Variants in PLD1 observed in about 807,000 individuals in gnomAD.
PLD1 encodes phospholipase D1, also known as choline phosphatase 1.
Under a neutral mutation model 137.1 loss-of-function variants are expected in PLD1, and 112 were observed. The ratio of observed to expected loss-of-function variants is 0.82; its 90% CI spans 0.70 to 0.96. PLD1 has a LOEUF of 0.96. Ranked by LOEUF, PLD1 falls within the 40% of genes least tolerant of loss-of-function variation. PLD1 has a pLI of 0.00. For missense variants in PLD1, 1,321 were observed against 1,342.0 expected (o/e 0.98, Z 0.24); for synonymous variants, 431 against 454.7 (o/e 0.95, Z 0.66).
rs577033918 is a variant in PLD1 at position 171,749,574 on chromosome 3, G to T, written c.-31-11492C>A. On this transcript the variant is annotated intron_variant, in intron 1 of 26. Transcript: ENST00000351298. ...ATCCCACAGATAATTACATATTCTGGAATATATATATGAAACTGCAAGGAA... is the reference window on the plus strand; with the variant it reads ...ATCCCACAGATAATTACATATTCTGTAATATATATATGAAACTGCAAGGAA... Among the ~76,000 whole-genome samples, 30 of 152,266 alleles carry T rather than the reference G, an allele frequency of 2.0e-4. No homozygotes were observed. The South Asian group carries it at 4.1e-3, about 21-fold the overall frequency.
rs530040851 is a variant in PLD1 at position 171,619,744 on chromosome 3, T to C, written c.2728+642A>G. Among the ~76,000 whole-genome samples, 36 of 152,164 alleles carry C rather than the reference T, an allele frequency of 2.4e-4. No individual in the cohort carries two copies. The South Asian group carries it at 7.1e-3, about 30-fold the overall frequency. ...CTTATGACACACTTTCCCTCCCCAT[T>C]TATCCCCCACCAATCCCTGAAATCT... On this transcript the variant is annotated intron_variant, in intron 24 of 26. Transcript: ENST00000351298.
At chr3:171,702,005 C>T (rs539978636) in intron 11 of PLD1, among the ~76,000 whole-genome samples, 1 of 152,198 alleles carries the variant, frequency 6.6e-6, no homozygotes, top group East Asian at 1.9e-4. Context: ...ATCAGACTTT[C>T]CTTTCTTAAA....
At chr3:171,642,457 CAA>C (rs1230947984) in intron 23 of PLD1, among the ~76,000 whole-genome samples, 2 of 33,062 alleles carry the variant, frequency 6.0e-5, no homozygotes, top group Non-Finnish European at 1.2e-4. Context: ...AACCCAGTCT[CAA>C]AAAAAAAAAA....
intron 25 of PLD1, among the ~76,000 whole-genome samples, chr3:171,610,189 T>G (rs1424894355): frequency 2.0e-5 from 3 of 152,218 alleles, no homozygotes; most frequent in African/African-American, 7.2e-5. Context: ...AACATACCCA[T>G]TTTTTTATAT....
chr3:171,696,657 A>G (rs1179204936), intron 12 of PLD1, among the ~76,000 whole-genome samples: 3 of 152,234 alleles, frequency 2.0e-5, no homozygotes, highest in Non-Finnish European at 4.4e-5. Flanking sequence ...TTCAGAAACT[A>G]AATTATTTAT....
Position 171,612,529 on chromosome 3 carries a change from A to G in PLD1, c.2729-97T>C. The G allele has an allele frequency of 1.7e-6, 2 of 1,193,082 alleles. No homozygotes were observed. Among genetic ancestry groups the G allele is most frequent in the South Asian group, 2.7e-5 (2 of 73,004 alleles). The allele number at this position is 1,193,082 out of a possible 1,614,324, so 73.9% of individuals were successfully genotyped here. On this transcript the variant is annotated intron_variant, in intron 24 of 26. Transcript: ENST00000351298. This position sits in a 1 kb window ranked among gnomAD's most constrained non-coding sequence, Gnocchi z 4.1. ...AATTCATCCTTGCAAACAAAACCGT[A>G]ATTTTGTCCAGGTTTTCAAGGGAAG...
chr3:171,739,445 CA>C (rs1719614240), intron 1 of PLD1, among the ~76,000 whole-genome samples: 1 of 152,184 alleles, frequency 6.6e-6, no homozygotes, highest in South Asian at 2.1e-4. Flanking sequence ...ACTATGTAAT[CA>C]ATCATGTTTC....
intron 1 of PLD1, among the ~76,000 whole-genome samples, chr3:171,808,315 T>C (rs1024034318): frequency 5.3e-5 from 8 of 151,664 alleles, no homozygotes; most frequent in African/African-American, 1.5e-4. Flanking sequence ...GGCGGGCGGA[T>C]CACGAGGTCA....
At chr3:171,686,608 T>C (rs1714581968) in intron 16 of PLD1, 77 bp downstream of exon 16, 5 of 751,548 alleles carry the variant, frequency 6.7e-6, no homozygotes, top group South Asian at 1.8e-5. Context: ...TGGAAACACA[T>C]TCACTATGCC....
At chr3:171,759,525 C>T (rs1046633453) in intron 1 of PLD1, among the ~76,000 whole-genome samples, 5 of 151,818 alleles carry the variant, frequency 3.3e-5, no homozygotes, top group African/African-American at 7.3e-5. Flanking sequence ...TGATGGTTAG[C>T]GGGTAAGTAG....
chr3:171,619,698 C>G (rs1183989762), intron 24 of PLD1, among the ~76,000 whole-genome samples: 1 of 152,144 alleles, frequency 6.6e-6, no homozygotes, highest in Non-Finnish European at 1.5e-5. Flanking sequence ...TAAACACATA[C>G]GAATTACCAC....
intron 1 of PLD1, among the ~76,000 whole-genome samples, chr3:171,745,717 G>A (rs1329167449): frequency 6.6e-6 from 1 of 152,208 alleles, no homozygotes; most frequent in East Asian, 1.9e-4. Flanking sequence ...GTGTGATACT[G>A]AGAGGTGACA....
rs1208941668 is a variant in PLD1, at chr3:171,601,978, T to A, written c.*1100A>T. On this transcript the variant is annotated 3_prime_UTR_variant, in exon 27 of 27. Coordinates refer to ENST00000351298, the MANE Select transcript of PLD1 (RefSeq NM_002662.5). ...AATAATGTAAGTGAAGTAGCACATA[T>A]TTTATAATCAATTAATTTTTCTCAA... is the stretch of plus-strand genomic sequence containing the variant. 5 of 152,184 alleles carry A rather than the reference T, an allele frequency of 3.3e-5. No individual in the cohort carries two copies. The highest frequency in any genetic ancestry group is 7.3e-5 in the Non-Finnish European group (5 of 68,036). 9.4% of individuals were successfully genotyped at this position (152,184 alleles called of 1,614,324 possible). A position where few individuals can be genotyped will look rare whatever the true frequency, so the allele number is the denominator to read the frequency against.
chr3:171,791,457 C>T (rs1485415821), intron 1 of PLD1, among the ~76,000 whole-genome samples: 1 of 152,150 alleles, frequency 6.6e-6, no homozygotes, highest in African/African-American at 2.4e-5. Context: ...CTGGCAGTCA[C>T]CTTGCCAGCT....
chr3:171,677,727 T>C, intron 16 of PLD1, 33 bp from the exon 17 acceptor site: 1 of 1,600,350 alleles, frequency 6.2e-7, no homozygotes, highest in Non-Finnish European at 8.5e-7. Flanking sequence ...TCAGAGACTG[T>C]GGTTCAGGTG....
chr3:171,746,827 T>C (rs1445830386), intron 1 of PLD1, among the ~76,000 whole-genome samples: 1 of 152,188 alleles, frequency 6.6e-6, no homozygotes, highest in African/African-American at 2.4e-5. Flanking sequence ...GATAAGGCAA[T>C]AAAAGCAGGC....
chr3:171,778,228 G>A (rs1722655488), intron 1 of PLD1, among the ~76,000 whole-genome samples: 1 of 152,094 alleles, frequency 6.6e-6, no homozygotes, highest in Non-Finnish European at 1.5e-5. Flanking sequence ...TGATGAAAAT[G>A]GGGCCAGAAA....
At chr3:171,695,335 G>C (rs529264536) in intron 12 of PLD1, among the ~76,000 whole-genome samples, 2 of 152,250 alleles carry the variant, frequency 1.3e-5, no homozygotes, top group East Asian at 3.9e-4. Flanking sequence ...ATTACTTTTT[G>C]CTTAAAGAAA....
intron 11 of PLD1, among the ~76,000 whole-genome samples, chr3:171,707,531 A>G (rs1244924839): frequency 6.6e-6 from 1 of 152,194 alleles, no homozygotes; most frequent in Non-Finnish European, 1.5e-5. Flanking sequence ...CTGACTGAAA[A>G]GACAAAATTT....
Sources: allele counts gnomAD v4.1 joint callset (sites outside exome capture counted in the v4.1 genomes callset), GRCh38; gene constraint gnomAD v4.1.1; non-coding constraint Gnocchi (gnomAD v3.1); transcripts MANE v1.5; gene names NCBI Gene and HGNC (gene_info 2026-07-23, HGNC 2026-07-21).